MORC2: variants seen among roughly 807,000 people sequenced by gnomAD.
MORC2 encodes the protein MORC family CW-type zinc finger 2, also known as ATPase MORC2.
In MORC2, 30 loss-of-function variants were observed where a neutral mutation model predicts 136.0. That is an observed-to-expected ratio of 0.22 (90% CI 0.17 to 0.30). MORC2 has a LOEUF of 0.30. Ranked by LOEUF, MORC2 falls within the 10% of genes least tolerant of loss-of-function variation. The probability of loss-of-function intolerance (pLI) is 1.00; values close to 1 mark genes in which losing one functional copy is unlikely to be tolerated. For missense variants in MORC2, 922 were observed against 1,333.1 expected (o/e 0.69, Z 4.80); for synonymous variants, 439 against 487.0 (o/e 0.90, Z 1.30).
In MORC2 at chr22:30,938,212, A is replaced by ACGTC; in HGVS notation, c.1074-8_1074-7insGACG. On this transcript the variant is annotated splice_polypyrimidine_tract_variant and splice_region_variant and intron_variant, in intron 12 of 25. Coordinates refer to ENST00000397641, the MANE Select transcript of MORC2 (RefSeq NM_001303256.3). ...CTTAGGTTCTTTAAGTGCTCTAAGA[A>ACGTC]GACAAAAAAACTCAAGCAGATCTAC... is the stretch of plus-strand genomic sequence containing the variant. The ACGTC allele has an allele frequency of 6.2e-7, 1 of 1,609,308 alleles. No homozygotes were observed. The highest frequency in any genetic ancestry group is 8.5e-7 in the Non-Finnish European group (1 of 1,177,700).
chr22:30,960,720 A>T (rs1040401255), intron 1 of MORC2, among the ~76,000 whole-genome samples: 4 of 148,314 alleles, frequency 2.7e-5, no homozygotes, highest in Non-Finnish European at 5.9e-5. Context: ...TGAACTCCCA[A>T]CCTCAGGTGA....
At chr22:30,939,764 T>C (rs770899025) in intron 11 of MORC2, 58 bp from the exon 12 acceptor site, 217 of 1,526,778 alleles carry the variant, frequency 1.4e-4, no homozygotes, top group Admixed American at 2.4e-4. Context: ...GCAGGGAATA[T>C]TGAAACATTA....
chr22:30,963,389 T>A, intron 1 of MORC2: 1 of 256,150 alleles, frequency 3.9e-6, no homozygotes, highest in Non-Finnish European at 4.7e-6. Flanking sequence ...TGATTATGGC[T>A]TTTTTTTTTT....
chr22:30,950,339 A>ACTCCCCCC, intron 4 of MORC2, 38 bp downstream of exon 4: 1 of 539,986 alleles, frequency 1.9e-6, no homozygotes, highest in Non-Finnish European at 3.5e-6. Context: ...GTTACATCGC[A>ACTCCCCCC]CCCCCCCACC....
intron 1 of MORC2, among the ~76,000 whole-genome samples, chr22:30,959,141 TTC>T (rs1466451434): frequency 6.6e-6 from 1 of 152,222 alleles, no homozygotes; most frequent in Admixed American, 6.5e-5. Flanking sequence ...TTGAGACAGG[TTC>T]TCATTCTTGT....
chr22:30,928,111 G>A lies in MORC2; in HGVS notation c.2938C>T (p.Leu980=). The A allele has an allele frequency of 1.2e-6, 2 of 1,614,098 alleles. No individual in the cohort carries two copies. Among genetic ancestry groups the A allele is most frequent in the Non-Finnish European group, 1.7e-6 (2 of 1,180,014 alleles). ...DSRAKASEES[L]RTSERKLRET... ...CGGAGCTTCCTCTCGGAGGTGCGCA[G>A]GCTTTCCTCGGAGGCCTTGGCCCGG... is the stretch of plus-strand genomic sequence containing the variant. The change falls in exon 25 of 26, where the codon CTG becomes TTG. Residue 980 remains leucine (L), a synonymous_variant. Coordinates refer to ENST00000397641, the MANE Select transcript of MORC2 (RefSeq NM_001303256.3).
chr22:30,937,471 G>A lies in MORC2; in HGVS notation c.1498+112C>T. On this transcript the variant is annotated intron_variant, in intron 15 of 25. Coordinates refer to ENST00000397641, the MANE Select transcript of MORC2 (RefSeq NM_001303256.3). The surrounding 1 kb of genome is among the most constrained non-coding windows in gnomAD (Gnocchi z 4.7). ...TCGTCAAACAGACTTGGATCCCTAG[G>A]GGACTGTAAGTCCATGAATGTCAGT... 2 of 1,466,024 alleles carry A rather than the reference G, an allele frequency of 1.4e-6. No individual in the cohort carries two copies. Among genetic ancestry groups the A allele is most frequent in the Admixed American group, 2.0e-5 (1 of 49,394 alleles). The allele number at this position is 1,466,024 out of a possible 1,614,324, so 90.8% of individuals were successfully genotyped here. A position where few individuals can be genotyped will look rare whatever the true frequency, so the allele number is the denominator to read the frequency against.
At chr22:30,961,662 G>C (rs16989230) in intron 1 of MORC2, among the ~76,000 whole-genome samples, 4,180 of 152,222 alleles carry the variant, frequency 0.027, 193 homozygotes, top group African/African-American at 0.093. Flanking sequence ...TCTTGCATCA[G>C]AATGTACTAA....
chr22:30,926,855 G>C lies in MORC2; in HGVS notation c.3047C>G (p.Thr1016Arg). 6.2e-7 allele frequency: 1 copy of C among 1,613,572 alleles called. No homozygotes were observed. Among genetic ancestry groups the C allele is most frequent in the Non-Finnish European group, 8.5e-7 (1 of 1,179,780 alleles). ...QKVQEDIDIN[T>R]DDELDAYIED... ...AATGTAGGCGTCCAGCTCATCATCT[G>C]TGTTGATGTCTATGTCCTGGAATAG... Residue 1016 changes from threonine to arginine, a missense_variant, in exon 26 of 26, where the codon ACA (threonine) becomes AGA (arginine). Around this residue, in one of 9 missense-constraint regions of MORC2, gnomAD observed 263 missense variants for 388.3 expected, o/e 0.68. Transcript: ENST00000397641.
At chr22:30,956,854 A>C in intron 2 of MORC2, 57 bp from the exon 3 acceptor site, 1 of 1,335,260 alleles carries the variant, frequency 7.5e-7, no homozygotes, top group Non-Finnish European at 1.0e-6. Flanking sequence ...AACCATCAAA[A>C]TGCATAGTGA....
At chr22:30,950,353 C>CCCAAA in intron 4 of MORC2, 24 bp downstream of exon 4, 2 of 1,481,930 alleles carry the variant, frequency 1.3e-6, no homozygotes, top group Non-Finnish European at 1.9e-6. Context: ...CCCCACCCCC[C>CCCAAA]AAAACAATAA....
intron 6 of MORC2, 130 bp downstream of exon 6, chr22:30,946,208 CATA>C: frequency 1.6e-6 from 1 of 610,274 alleles, no homozygotes; most frequent in South Asian, 2.8e-5. Flanking sequence ...CAGCTAACTG[CATA>C]ACAATTAGGG....
chr22:30,964,114 T>C (rs2041089646), intron 1 of MORC2, among the ~76,000 whole-genome samples: 1 of 152,080 alleles, frequency 6.6e-6, no homozygotes, highest in Non-Finnish European at 1.5e-5. Context: ...TCCCAGCACT[T>C]TGGGAGGCCG....
chr22:30,948,757 C>T (rs1418414176), intron 5 of MORC2, among the ~76,000 whole-genome samples: 1 of 152,180 alleles, frequency 6.6e-6, no homozygotes, highest in African/African-American at 2.4e-5. Flanking sequence ...TCAATTTCTT[C>T]ATCTGAAAAT....
At chr22:30,939,910 T>A in intron 11 of MORC2, 49 bp downstream of exon 11, 1 of 1,577,402 alleles carries the variant, frequency 6.3e-7, no homozygotes, top group Non-Finnish European at 8.7e-7. Context: ...GGACATGGGC[T>A]CCTAGTGCCA....
intron 18 of MORC2, 38 bp downstream of exon 18, chr22:30,935,210 A>T (rs1312386675): frequency 8.7e-6 from 14 of 1,612,334 alleles, no homozygotes; most frequent in Middle Eastern, 1.7e-4. Flanking sequence ...AGCATGAGAC[A>T]CCTGAGGAAA....
rs916717819 is a variant in MORC2 at position 30,950,639 on chromosome 22, C to G, written c.158-194G>C. The stretch of plus-strand genomic sequence containing the variant: ...CCCATCCAAGGTTCTCCAATGTTTT[C>G]TAGATCATGACAAAGCTTGGGAGAA... On this transcript the variant is annotated intron_variant, in intron 3 of 25. Transcript: ENST00000397641. Among the ~76,000 whole-genome samples the G allele has an allele frequency of 1.2e-4, 18 of 152,190 alleles. 1 individual carries two copies. Among genetic ancestry groups the G allele is most frequent in the Non-Finnish European group, 4.4e-5 (3 of 68,026 alleles).
At position 30,941,377 on chromosome 22, in the gene MORC2, C is replaced by T. The variant is rs2040739040; in HGVS notation, c.824+56G>A. The T allele has an allele frequency of 8.8e-6, 14 of 1,594,078 alleles. No individual in the cohort carries two copies. Among genetic ancestry groups the T allele is most frequent in the South Asian group, 7.8e-5 (7 of 90,052 alleles). On this transcript the variant is annotated intron_variant, in intron 9 of 25. Transcript: ENST00000397641. This position sits in a 1 kb window ranked among gnomAD's most constrained non-coding sequence, Gnocchi z 4.6. ...TCCCTCTAACAATGCCCCAGAGAAA[C>T]GCGGCCACATCCTCGACCCATGGGA...
At chr22:30,964,955 G>A (rs748021086) in intron 1 of MORC2, among the ~76,000 whole-genome samples, 5 of 152,160 alleles carry the variant, frequency 3.3e-5, no homozygotes, top group African/African-American at 9.7e-5. Context: ...GTGTACCACC[G>A]TATGAGCTAA....
Sources: gnomAD v4.1 joint callset for allele counts (sites outside exome capture counted in the v4.1 genomes callset) on GRCh38, gnomAD v4.1.1 for gene constraint, gnomAD v4.1.1 regional missense constraint, Gnocchi (gnomAD v3.1) non-coding constraint, MANE v1.5 for transcripts, NCBI Gene and HGNC (gene_info 2026-07-23, HGNC 2026-07-21) for gene names.